Variants in HRH1 observed in about 807,000 individuals in gnomAD.
HRH1 encodes the protein histamine H1 receptor.
HRH1 carries 6 observed loss-of-function variants against 10.3 expected under a neutral mutation model. The ratio of observed to expected loss-of-function variants is 0.58; its 90% CI spans 0.32 to 1.15. The LOEUF (loss-of-function observed/expected upper bound fraction) is 1.15. HRH1 is among the 50% of genes most tolerant of loss of function. The probability of loss-of-function intolerance (pLI) is 0.05; values close to 1 mark genes in which losing one functional copy is unlikely to be tolerated. For synonymous variants in HRH1, 242 were observed against 236.7 expected (o/e 1.02, Z -0.21); for missense variants, 514 against 615.3 (o/e 0.84, Z 1.74).
At chr3:11,197,995 G>A (rs371595058) in intron 1 of HRH1, among the ~76,000 whole-genome samples, 3 of 152,188 alleles carry the variant, frequency 2.0e-5, no homozygotes, top group South Asian at 4.1e-4. Flanking sequence ...CTTGTTGTTC[G>A]GCATCATTTA....
At chr3:11,254,885 A>G (rs540829354) in intron 1 of HRH1, among the ~76,000 whole-genome samples, 2 of 152,278 alleles carry the variant, frequency 1.3e-5, no homozygotes, top group Non-Finnish European at 2.9e-5. Context: ...TCCCTAATGC[A>G]GTTCCTAGCA....
intron 1 of HRH1, among the ~76,000 whole-genome samples, chr3:11,187,378 T>C (rs1177457017): frequency 2.6e-5 from 4 of 151,858 alleles, no homozygotes; most frequent in Non-Finnish European, 5.9e-5. Context: ...ACAAAGGTTA[T>C]ATAATAGAAT....
chr3:11,198,928 A>AC (rs1553573174), intron 1 of HRH1, among the ~76,000 whole-genome samples: 3 of 140,356 alleles, frequency 2.1e-5, no homozygotes, highest in African/African-American at 2.7e-5. Context: ...ACACACACAC[A>AC]TTTTTTTTTT....
At position 11,200,931 on chromosome 3, in the gene HRH1, G is replaced by T. The variant is rs780579358; in HGVS notation, c.-36+46377G>T. On this transcript the variant is annotated intron_variant, in intron 1 of 1. Coordinates refer to ENST00000431010, the MANE Select transcript of HRH1 (RefSeq NM_001098212.2). Reference sequence around the variant, plus strand: ...TGCAGAGCTGTGAAATAGAGGAAAAGATTAGACATATCCCCTTCCATTAAG... The same window carrying T: ...TGCAGAGCTGTGAAATAGAGGAAAATATTAGACATATCCCCTTCCATTAAG... Among the ~76,000 whole-genome samples the T allele has an allele frequency of 2.0e-5, 3 of 152,198 alleles. 1 individual carries two copies. The highest frequency in any genetic ancestry group is 7.2e-5 in the African/African-American group (3 of 41,454).
At chr3:11,167,330 G>A (rs1375841835) in intron 1 of HRH1, among the ~76,000 whole-genome samples, 1 of 125,390 alleles carries the variant, frequency 8.0e-6, no homozygotes. Context: ...CTCCAGGCCC[G>A]TGACATCTGC....
At chr3:11,163,171 T>A (rs1251455529) in intron 1 of HRH1, among the ~76,000 whole-genome samples, 1 of 152,134 alleles carries the variant, frequency 6.6e-6, no homozygotes, top group Non-Finnish European at 1.5e-5. Context: ...TCCTCCCCAC[T>A]GTGCATCACC....
chr3:11,245,975 A>C (rs1939469773), intron 1 of HRH1, among the ~76,000 whole-genome samples: 1 of 150,562 alleles, frequency 6.6e-6, no homozygotes, highest in Admixed American at 6.6e-5. Context: ...ACACACACTC[A>C]TGTACTCAAA....
chr3:11,168,514 G>T (rs1453215414), intron 1 of HRH1, among the ~76,000 whole-genome samples: 1 of 152,208 alleles, frequency 6.6e-6, no homozygotes, highest in Non-Finnish European at 1.5e-5. Context: ...TCGAAGGCAG[G>T]ACTGAGCATA....
At chr3:11,143,740 G>A (rs1355838503) in intron 1 of HRH1, among the ~76,000 whole-genome samples, 1 of 152,074 alleles carries the variant, frequency 6.6e-6, no homozygotes, top group East Asian at 1.9e-4. Flanking sequence ...GTGTGGTCAG[G>A]CCAACCTGAC....
intron 1 of HRH1, among the ~76,000 whole-genome samples, chr3:11,219,714 CAAAAAAAAAAA>C (rs58875644): frequency 1.3e-5 from 1 of 76,778 alleles, no homozygotes; most frequent in Admixed American, 1.5e-4. Context: ...GACTTCATCT[CAAAAAAAAAAA>C]AAAAAAAAAG....
intron 1 of HRH1, among the ~76,000 whole-genome samples, chr3:11,258,647 A>C (rs1358488296): frequency 3.9e-5 from 6 of 152,164 alleles, no homozygotes; most frequent in Admixed American, 3.9e-4. Context: ...TAGACACATG[A>C]GGATGCAGCC....
chr3:11,202,437 ATT>A (rs1937963180), intron 1 of HRH1, among the ~76,000 whole-genome samples: 3 of 132,406 alleles, frequency 2.3e-5, no homozygotes, highest in East Asian at 2.6e-4. Flanking sequence ...TAAATAAATA[ATT>A]AATTAAAAAT....
intron 1 of HRH1, among the ~76,000 whole-genome samples, chr3:11,216,151 A>T (rs1938485586): frequency 6.6e-6 from 1 of 152,276 alleles, no homozygotes; most frequent in East Asian, 1.9e-4. Context: ...GGAAATGAAC[A>T]TTAAAAGAGC....
intron 1 of HRH1, among the ~76,000 whole-genome samples, chr3:11,157,481 A>G (rs931620261): frequency 6.6e-6 from 1 of 152,150 alleles, no homozygotes; most frequent in African/African-American, 2.4e-5. Flanking sequence ...GACGCTGAGC[A>G]TTTCTGAATC....
At chr3:11,147,485 C>A (rs1936477094) in intron 1 of HRH1, among the ~76,000 whole-genome samples, 1 of 152,084 alleles carries the variant, frequency 6.6e-6, no homozygotes, top group African/African-American at 2.4e-5. Flanking sequence ...ATGAAGAGGG[C>A]AAGGATCTGC....
chr3:11,257,601 T>C (rs1321297792), intron 1 of HRH1, among the ~76,000 whole-genome samples: 1 of 152,082 alleles, frequency 6.6e-6, no homozygotes, highest in Non-Finnish European at 1.5e-5. Context: ...CCAGAAGATT[T>C]AATACTTACT....
intron 1 of HRH1, among the ~76,000 whole-genome samples, chr3:11,176,320 G>A (rs1363472344): frequency 6.6e-6 from 1 of 152,154 alleles, no homozygotes; most frequent in East Asian, 1.9e-4. Context: ...TTGAAAAGTG[G>A]ACAGGACAAA....
chr3:11,208,951 A>G (rs1209642557), intron 1 of HRH1, among the ~76,000 whole-genome samples: 1 of 152,250 alleles, frequency 6.6e-6, no homozygotes, highest in Non-Finnish European at 1.5e-5. Context: ...AACTGCCCAC[A>G]GAGAGTAATA....
chr3:11,186,809 A>G (rs114267075), intron 1 of HRH1, among the ~76,000 whole-genome samples: 1,873 of 152,338 alleles, frequency 0.012, 37 homozygotes, highest in African/African-American at 0.043. Context: ...CAGGCAGCAC[A>G]GAAGACAGTT....
Sources: gnomAD v4.1 joint callset for allele counts (sites outside exome capture counted in the v4.1 genomes callset) on GRCh38, gnomAD v4.1.1 for gene constraint, MANE v1.5 for transcripts, NCBI Gene and HGNC (gene_info 2026-07-23, HGNC 2026-07-21) for gene names.